CASKIN1: variants seen among roughly 807,000 people sequenced by gnomAD.
CASKIN1 encodes CASK interacting protein 1, also known as caskin-1.
In CASKIN1, 42 loss-of-function variants were observed where a neutral mutation model predicts 117.5. That is an observed-to-expected ratio of 0.36 (90% CI 0.28 to 0.46). CASKIN1 has a LOEUF of 0.46. Ranked by LOEUF, CASKIN1 falls within the 20% of genes least tolerant of loss-of-function variation. The probability of loss-of-function intolerance (pLI) is 1.00; values close to 1 mark genes in which losing one functional copy is unlikely to be tolerated. For missense variants in CASKIN1, 2,083 were observed against 2,077.3 expected (o/e 1.00, Z -0.05); for synonymous variants, 1,148 against 961.7 (o/e 1.19, Z -3.59).
At chr16:2,187,606 T>G (rs1223006271) in intron 6 of CASKIN1, 145 bp from the exon 7 acceptor site, 1 of 652,114 alleles carries the variant, frequency 1.5e-6, no homozygotes, top group Non-Finnish European at 2.7e-6. Flanking sequence ...TCTCTGACAT[T>G]CACTGAGTGC....
At position 2,178,628 on chromosome 16, in the gene CASKIN1, CT is replaced by C. The variant is rs1567256557; in HGVS notation, c.4217del (p.Lys1406ArgfsTer44). ...AQGPRDSAAE[K>X]STGSILDDIG... ...TGTCGTCCAGGATGCTGCCAGTGCT[CT>C]TTTCCGCCGCCGAGTCGCTGCGGGG... is the stretch of plus-strand genomic sequence containing the variant. On this transcript the variant is annotated frameshift_variant, in exon 20 of 20. Transcript: ENST00000343516. LOFTEE classifies it high-confidence loss of function. The C allele has an allele frequency of 2.5e-6, 4 of 1,594,334 alleles. No individual in the cohort carries two copies. Among genetic ancestry groups the C allele is most frequent in the East Asian group, 2.3e-5 (1 of 43,728 alleles).
Position 2,178,269 on chromosome 16 carries a change from CG to C in CASKIN1, c.*280del. On this transcript the variant is annotated 3_prime_UTR_variant, in exon 20 of 20. Transcript: ENST00000343516. ...CTGTGCGCTGCCCCATCCCTGGTCC[CG>C]GGGCGCCCTCCCCTCCCGCGCGGGC... 1 of 391,538 alleles carries C rather than the reference CG, an allele frequency of 2.6e-6. No individual in the cohort carries two copies. 24.3% of individuals were successfully genotyped at this position (391,538 alleles called of 1,614,324 possible). A position where few individuals can be genotyped will look rare whatever the true frequency, so the allele number is the denominator to read the frequency against.
rs775108304 is a variant in CASKIN1, at chr16:2,178,536, C to G, written c.*14G>C. On this transcript the variant is annotated 3_prime_UTR_variant, in exon 20 of 20. Coordinates refer to ENST00000343516, the MANE Select transcript of CASKIN1 (RefSeq NM_020764.4). ...AGGGCCCGGGCGGCGCGGGAGGGCC[C>G]GGCCAGGCGGCGTTCACTCCAGCAT... is the stretch of plus-strand genomic sequence containing the variant. 15 of 1,565,218 alleles carry G rather than the reference C, an allele frequency of 9.6e-6. No homozygotes were observed. In the South Asian group the frequency reaches 1.7e-4, roughly 18 times the overall value.
Position 2,180,133 on chromosome 16 carries a change from G to T in CASKIN1, c.3235C>A (p.Arg1079=). ...PVTGLLATAR[R]GPGESADPGP... Reference sequence around the variant, plus strand: ...GGGTCTGCCGACTCCCCAGGCCCCCGGCGGGCAGTGGCCAGAAGTCCGGTG... The same window carrying T: ...GGGTCTGCCGACTCCCCAGGCCCCCTGCGGGCAGTGGCCAGAAGTCCGGTG... The change falls in exon 18 of 20, where the codon CGG becomes AGG. Residue 1079 remains arginine, a synonymous_variant. Transcript: ENST00000343516. 2 of 1,554,010 alleles carry T rather than the reference G, an allele frequency of 1.3e-6. No individual in the cohort carries two copies. Among genetic ancestry groups the T allele is most frequent in the African/African-American group, 1.4e-5 (1 of 73,214 alleles).
rs2093198039 is a variant in CASKIN1, at chr16:2,190,324, G to A, written c.129C>T (p.Asn43=). The change falls in exon 2 of 20, where the codon AAC becomes AAT. Residue 43 remains asparagine (N), a synonymous_variant. Coordinates refer to ENST00000343516, the MANE Select transcript of CASKIN1 (RefSeq NM_020764.4). The stretch of plus-strand genomic sequence containing the variant: ...GAACTCACCCATCCGGGTCCTGGAA[G>A]TTGACATTGATCTTCTTGGTGGAAC... The part of the protein sequence containing the change: ...LLGSTKKINV[N]FQDPDGFSAL... The A allele has an allele frequency of 7.6e-6, 12 of 1,576,858 alleles. No individual in the cohort carries two copies. The highest frequency in any genetic ancestry group is 2.3e-5 in the East Asian group (1 of 42,912).
chr16:2,185,325 G>A lies in CASKIN1; in HGVS notation c.1132C>T (p.Leu378=), dbSNP rs978181817. Residue 378 remains leucine, a synonymous_variant, in exon 11 of 20, where the codon CTG becomes TTG. Coordinates refer to ENST00000343516, the MANE Select transcript of CASKIN1 (RefSeq NM_020764.4). ...AGCCTACCTGCAAAAGGCTTCCTCA[G>A]CACCCAGATCTCCTCTGGGGGTGCA... ...PSAPPEEIWV[L]RKPFAGGDRS... 4 of 1,601,616 alleles carry A rather than the reference G, an allele frequency of 2.5e-6. No homozygotes were observed. The African/African-American group carries it at 5.4e-5, about 21-fold the overall frequency.
chr16:2,190,242 G>C (rs1329764103), intron 2 of CASKIN1, 65 bp downstream of exon 2: 4 of 1,589,184 alleles, frequency 2.5e-6, no homozygotes, highest in African/African-American at 1.3e-5. Context: ...GCCCTCCCCC[G>C]GCACCTAGGC....
chr16:2,178,490 G>A lies in CASKIN1; in HGVS notation c.*60C>T. On this transcript the variant is annotated 3_prime_UTR_variant, in exon 20 of 20. Coordinates refer to ENST00000343516, the MANE Select transcript of CASKIN1 (RefSeq NM_020764.4). ...CCGCGCCCAGACGCGCCCATCCTGA[G>A]GTATAGGTCAGTGTGCGGGGAGGGC... is the stretch of plus-strand genomic sequence containing the variant. 1 of 1,361,596 alleles carries A rather than the reference G, an allele frequency of 7.3e-7. No individual in the cohort carries two copies. The highest frequency in any genetic ancestry group is 2.9e-5 in the East Asian group (1 of 34,540). The allele number at this position is 1,361,596 out of a possible 1,614,324, so 84.3% of individuals were successfully genotyped here. A position where few individuals can be genotyped will look rare whatever the true frequency, so the allele number is the denominator to read the frequency against.
intron 14 of CASKIN1, among the ~76,000 whole-genome samples, chr16:2,184,540 C>T (rs1278616516): frequency 3.3e-5 from 5 of 152,208 alleles, no homozygotes; most frequent in African/African-American, 4.8e-5. Context: ...CACACACACA[C>T]GCACACACAG....
intron 11 of CASKIN1, 45 bp from the exon 12 acceptor site, chr16:2,185,244 C>G: frequency 6.2e-7 from 1 of 1,604,798 alleles, no homozygotes; most frequent in Non-Finnish European, 8.5e-7. Flanking sequence ...CGGCCCCTGC[C>G]TGGCCCCACG....
Position 2,180,310 on chromosome 16 carries a change from C to T in CASKIN1, c.3058G>A (p.Ala1020Thr). The T allele has an allele frequency of 1.9e-6, 3 of 1,591,758 alleles. No homozygotes were observed. The highest frequency in any genetic ancestry group is 2.6e-6 in the Non-Finnish European group (3 of 1,174,082). Residue 1020 changes from alanine to threonine, a missense_variant, in exon 18 of 20, where the codon GCC becomes ACC. Transcript: ENST00000343516. ...LSSIGGGGRA[A>T]RRPPEGHPTP... ...GGGTGGCCCTCAGGAGGCCTGCGGG[C>T]AGCCCGGCCCCCACCCCCAATGGAG...
Position 2,180,905 on chromosome 16 carries a change from G to A in CASKIN1, c.2463C>T (p.Arg821=). The change falls in exon 18 of 20, where the codon CGC becomes CGT. Residue 821 remains arginine (R), a synonymous_variant. Coordinates refer to ENST00000343516, the MANE Select transcript of CASKIN1 (RefSeq NM_020764.4). ...LPPTERPMSP[R]SLPQSPTHRG... ...GGTGCGTCGGTGACTGAGGCAGGGA[G>A]CGGGGTGACATGGGGCGCTCTGTCG... 6.9e-7 allele frequency: 1 copy of A among 1,451,870 alleles called. No individual in the cohort carries two copies. The highest frequency in any genetic ancestry group is 9.0e-7 in the Non-Finnish European group (1 of 1,108,750). The allele number at this position is 1,451,870 out of a possible 1,614,324, so 89.9% of individuals were successfully genotyped here. A position where few individuals can be genotyped will look rare whatever the true frequency, so the allele number is the denominator to read the frequency against.
At chr16:2,194,478 C>A (rs1183430037) in intron 1 of CASKIN1, among the ~76,000 whole-genome samples, 3 of 152,132 alleles carry the variant, frequency 2.0e-5, no homozygotes, top group Non-Finnish European at 4.4e-5. Context: ...CAGAGGGGAC[C>A]ATGGAAGCAA....
Position 2,181,833 on chromosome 16 carries a change from T to C in CASKIN1, c.1726A>G (p.Ile576Val), listed in dbSNP as rs958331393. 1 of 1,613,582 alleles carries C rather than the reference T, an allele frequency of 6.2e-7. No individual in the cohort carries two copies. Among genetic ancestry groups the C allele is most frequent in the African/African-American group, 1.3e-5 (1 of 74,884 alleles). ...ATCTCCTGCAGGTCCTCCCAGGTGA[T>C]GTCGGTGATGAAATCAATGTTCTCG... is the stretch of plus-strand genomic sequence containing the variant. ...GYENIDFITD[I>V]TWEDLQEIGI... Residue 576 changes from isoleucine (I) to valine (V), a missense_variant, in exon 17 of 20, where the codon ATC becomes GTC. Around this residue, in one of 3 missense-constraint regions of CASKIN1, gnomAD observed 1,818 missense variants for 1,688.9 expected, o/e 1.08. Coordinates refer to ENST00000343516, the MANE Select transcript of CASKIN1 (RefSeq NM_020764.4).
rs1312856826 is a variant in CASKIN1 at position 2,182,600 on chromosome 16, C to T, written c.1630-671G>A. On this transcript the variant is annotated intron_variant, in intron 16 of 19. Coordinates refer to ENST00000343516, the MANE Select transcript of CASKIN1 (RefSeq NM_020764.4). This position sits in a 1 kb window ranked among gnomAD's most constrained non-coding sequence, Gnocchi z 4.1. ...CCTGACCCCTAGGAGGATCCCCGAG[C>T]CACCAATTGAGTGAGGCAAGGCAGG... Among the ~76,000 whole-genome samples, 2 of 152,238 alleles carry T rather than the reference C, an allele frequency of 1.3e-5. No homozygotes were observed. Among genetic ancestry groups the T allele is most frequent in the African/African-American group, 4.8e-5 (2 of 41,458 alleles).
chr16:2,184,722 C>G, intron 14 of CASKIN1, 55 bp downstream of exon 14: 5 of 1,405,802 alleles, frequency 3.6e-6, no homozygotes, highest in Non-Finnish European at 4.7e-6. Flanking sequence ...ATCAGCCCAT[C>G]GGCCTTACAG....
intron 1 of CASKIN1, among the ~76,000 whole-genome samples, 191 bp from the exon 2 acceptor site, chr16:2,190,549 C>T (rs2093198841): frequency 6.6e-6 from 1 of 152,238 alleles, no homozygotes; most frequent in Admixed American, 6.5e-5. Context: ...CAGGTGCCAG[C>T]TGCTCGGGCC....
At chr16:2,178,706 G>A in intron 19 of CASKIN1, 60 bp from the exon 20 acceptor site, 8 of 1,467,970 alleles carry the variant, frequency 5.4e-6, no homozygotes, top group South Asian at 1.2e-5. Flanking sequence ...CGCCCACCCC[G>A]ACCAGGACAC....
In CASKIN1 at chr16:2,180,327, C is replaced by G. The variant is rs2093163032; in HGVS notation, c.3041G>C (p.Gly1014Ala). The change falls in exon 18 of 20, where the codon GGG becomes GCG. Residue 1014 changes from glycine (G) to alanine (A), a missense_variant. Around this residue, in one of 3 missense-constraint regions of CASKIN1, gnomAD observed 1,818 missense variants for 1,688.9 expected, o/e 1.08. Transcript: ENST00000343516. The stretch of plus-strand genomic sequence containing the variant: ...CCTGCGGGCAGCCCGGCCCCCACCC[C>G]CAATGGAGGACAGCTCCAGCATGGC... The part of the protein sequence containing the change: ...IAAMLELSSI[G>A]GGGRAARRPP... The G allele has an allele frequency of 1.3e-6, 2 of 1,597,638 alleles. No homozygotes were observed. The highest frequency in any genetic ancestry group is 8.5e-7 in the Non-Finnish European group (1 of 1,177,300).
Sources: allele counts gnomAD v4.1 joint callset (sites outside exome capture counted in the v4.1 genomes callset), GRCh38; gene constraint gnomAD v4.1.1; regional missense constraint gnomAD v4.1.1; non-coding constraint Gnocchi (gnomAD v3.1); transcripts MANE v1.5; gene names NCBI Gene and HGNC (gene_info 2026-07-23, HGNC 2026-07-21).